The following ARB2A variants were observed in gnomAD, a reference collection of about 807,000 sequenced individuals.
ARB2A encodes the protein cotranscriptional regulator ARB2A.
chr5:93,960,794 ATAATT>A, the ARB2A span, among the ~76,000 whole-genome samples: 85 of 152,368 alleles, frequency 5.6e-4, no homozygotes, highest in South Asian at 2.1e-4. Context: ...TGACATAACT[ATAATT>A]TTATTAGCAA....
the ARB2A span, among the ~76,000 whole-genome samples, chr5:93,919,106 G>C: frequency 6.6e-6 from 1 of 152,140 alleles, no homozygotes; most frequent in Non-Finnish European, 1.5e-5. Context: ...TGTCAGCAAA[G>C]TTAGGGAGAA....
the ARB2A span, among the ~76,000 whole-genome samples, chr5:93,762,271 C>A: frequency 2.6e-5 from 4 of 152,008 alleles, no homozygotes; most frequent in Admixed American, 2.6e-4. Context: ...GGAGGAAGTT[C>A]GAATCCAAGG....
the ARB2A span, among the ~76,000 whole-genome samples, chr5:93,765,620 C>T: frequency 6.6e-6 from 1 of 152,074 alleles, no homozygotes; most frequent in African/African-American, 2.4e-5. Context: ...GCCATACAGC[C>T]CAAGGTAATT....
At chr5:94,078,033 C>T in the ARB2A span, among the ~76,000 whole-genome samples, 304 of 152,234 alleles carry the variant, frequency 2.0e-3, no homozygotes, top group Middle Eastern at 3.4e-3. Flanking sequence ...TTATTTGCCC[C>T]GTTGGCACAA....
chr5:93,712,879 T>C, the ARB2A span, among the ~76,000 whole-genome samples: 6 of 152,092 alleles, frequency 3.9e-5, no homozygotes, highest in Middle Eastern at 6.8e-3. Flanking sequence ...TGGAACAGAA[T>C]AGAGAACCCA....
chr5:93,721,452 T>A, the ARB2A span, among the ~76,000 whole-genome samples: 1 of 152,224 alleles, frequency 6.6e-6, no homozygotes. Context: ...GCTCTTTTTT[T>A]AAAAAAGTTT....
the ARB2A span, among the ~76,000 whole-genome samples, chr5:94,054,905 T>A: frequency 6.6e-6 from 1 of 152,232 alleles, no homozygotes; most frequent in Non-Finnish European, 1.5e-5. Context: ...CAGCCATGAC[T>A]ATTGTAAGCT....
chr5:93,901,941 T>C, the ARB2A span, among the ~76,000 whole-genome samples: 17 of 152,106 alleles, frequency 1.1e-4, no homozygotes, highest in Admixed American at 1.1e-3. Context: ...ACAGGTAAAA[T>C]TAACAAAACT....
At chr5:94,022,418 GAC>G in the ARB2A span, among the ~76,000 whole-genome samples, 1 of 152,270 alleles carries the variant, frequency 6.6e-6, no homozygotes, top group South Asian at 2.1e-4. Context: ...ACAATGATGA[GAC>G]AGATTCCCTA....
chr5:93,952,371 TTTTG>T, the ARB2A span, among the ~76,000 whole-genome samples: 2 of 152,156 alleles, frequency 1.3e-5, no homozygotes, highest in Non-Finnish European at 2.9e-5. Flanking sequence ...ATCACTCAGC[TTTTG>T]TTTGTCTGGG....
the ARB2A span, among the ~76,000 whole-genome samples, chr5:93,925,478 C>T: frequency 6.6e-6 from 1 of 152,152 alleles, no homozygotes; most frequent in Non-Finnish European, 1.5e-5. Flanking sequence ...TCACACTCTC[C>T]ATGACATGCT....
At chr5:93,702,408 A>C in the ARB2A span, among the ~76,000 whole-genome samples, 1 of 152,106 alleles carries the variant, frequency 6.6e-6, no homozygotes, top group Non-Finnish European at 1.5e-5. Flanking sequence ...TAGCCTACTG[A>C]ATTTTTATCC....
At chr5:93,879,852 C>G in the ARB2A span, among the ~76,000 whole-genome samples, 1 of 151,698 alleles carries the variant, frequency 6.6e-6, no homozygotes, top group Admixed American at 6.6e-5. Flanking sequence ...TTTACATAAA[C>G]AAGTAGGTAT....
chr5:93,819,830 T>C, the ARB2A span, among the ~76,000 whole-genome samples: 1 of 152,220 alleles, frequency 6.6e-6, no homozygotes, highest in Non-Finnish European at 1.5e-5. Flanking sequence ...TATCAGCTGC[T>C]GAAGGGCAGC....
the ARB2A span, chr5:93,620,703 G>T: frequency 6.8e-6 from 2 of 295,974 alleles, no homozygotes; most frequent in Non-Finnish European, 1.2e-5. Context: ...TTAGAGCTTC[G>T]CCGGCCGAGC....
chr5:94,027,565 A>C, the ARB2A span, among the ~76,000 whole-genome samples: 2 of 152,310 alleles, frequency 1.3e-5, no homozygotes, highest in East Asian at 1.9e-4. Flanking sequence ...AGAGCTTCTG[A>C]ATAGTTAAAC....
chr5:93,697,679 C>T, the ARB2A span, among the ~76,000 whole-genome samples: 2 of 152,090 alleles, frequency 1.3e-5, no homozygotes, highest in Non-Finnish European at 2.9e-5. Context: ...CACATTGTTT[C>T]TTACCGCTTC....
chr5:93,903,699 T>C, the ARB2A span, among the ~76,000 whole-genome samples: 1 of 141,278 alleles, frequency 7.1e-6, no homozygotes, highest in Non-Finnish European at 1.6e-5. Context: ...AAATTGAAAA[T>C]TCTATATATC....
the ARB2A span, among the ~76,000 whole-genome samples, chr5:93,719,508 A>T: frequency 6.6e-6 from 1 of 152,172 alleles, no homozygotes. Context: ...AGAACTGGGG[A>T]GAACAATCAA....
Sources: allele counts gnomAD v4.1 joint callset (sites outside exome capture counted in the v4.1 genomes callset), GRCh38; gene constraint gnomAD v4.1.1; transcripts MANE v1.5; gene names NCBI Gene and HGNC (gene_info 2026-07-23, HGNC 2026-07-21).